Variants in NCOR1 observed in about 807,000 individuals in gnomAD.
NCOR1 encodes nuclear receptor corepressor 1.
Under a neutral mutation model 288.1 loss-of-function variants are expected in NCOR1, and 63 were observed. The observed-to-expected ratio is 0.22, with a 90% CI of 0.18 to 0.27. NCOR1 has a LOEUF of 0.27. Ranked by LOEUF, NCOR1 falls within the 10% of genes least tolerant of loss-of-function variation. The probability of loss-of-function intolerance (pLI) is 1.00; values close to 1 mark genes in which losing one functional copy is unlikely to be tolerated. For missense variants in NCOR1, 2,397 were observed against 3,019.2 expected (o/e 0.79, Z 4.83); for synonymous variants, 1,007 against 1,065.9 (o/e 0.94, Z 1.08).
chr17:16,155,164 A>G (rs1011545677), intron 6 of NCOR1, among the ~76,000 whole-genome samples: 4 of 152,092 alleles, frequency 2.6e-5, no homozygotes, highest in Admixed American at 6.5e-5. Flanking sequence ...CCAGCCTGCT[A>G]ACATGGTGAA....
intron 18 of NCOR1, among the ~76,000 whole-genome samples, chr17:16,114,259 A>G (rs2071078032): frequency 6.6e-6 from 1 of 151,480 alleles, no homozygotes; most frequent in Admixed American, 6.6e-5. Flanking sequence ...GACCTGCCCC[A>G]TGATTCAATT....
intron 6 of NCOR1, among the ~76,000 whole-genome samples, chr17:16,154,685 G>A (rs2079432942): frequency 2.6e-5 from 4 of 152,138 alleles, no homozygotes; most frequent in South Asian, 2.1e-4. Context: ...TAAAGGCTTC[G>A]GCTATTCTGT....
At chr17:16,035,188 A>G (rs1974008850) in intron 44 of NCOR1, among the ~76,000 whole-genome samples, 1 of 152,212 alleles carries the variant, frequency 6.6e-6, no homozygotes, top group Non-Finnish European at 1.5e-5. Context: ...ACTAATCTGC[A>G]TGGCGGTTGC....
At chr17:16,200,837 A>T (rs2090693688) in intron 1 of NCOR1, among the ~76,000 whole-genome samples, 1 of 152,220 alleles carries the variant, frequency 6.6e-6, no homozygotes, top group Non-Finnish European at 1.5e-5. Context: ...GACAAAGCTA[A>T]GAAGGACCAC....
chr17:16,089,336 T>C (rs1446446417), intron 22 of NCOR1, among the ~76,000 whole-genome samples: 1 of 152,168 alleles, frequency 6.6e-6, no homozygotes, highest in Non-Finnish European at 1.5e-5. Flanking sequence ...TCTACCTCCA[T>C]ATGCTTAAGT....
Position 16,070,194 on chromosome 17 carries a change from C to T in NCOR1, c.4484G>A (p.Gly1495Asp), listed in dbSNP as rs2152722306. 3 of 1,613,192 alleles carry T rather than the reference C, an allele frequency of 1.9e-6. No homozygotes were observed. The highest frequency in any genetic ancestry group is 2.5e-6 in the Non-Finnish European group (3 of 1,179,838). The change falls in exon 31 of 46, where the codon GGC (glycine) becomes GAC (aspartate). Residue 1495 changes from glycine (G) to aspartate (D), a missense_variant. By Grantham distance (94) the Gly-to-Asp change is moderately conservative. Around this residue, in one of 11 missense-constraint regions of NCOR1, gnomAD observed 1,872 missense variants for 2,187.8 expected, o/e 0.86. Coordinates refer to ENST00000268712, the MANE Select transcript of NCOR1 (RefSeq NM_006311.4). ...PVSYQNTMSR[G>D]SPMMNRTSDV... ...AGAAGTTCTGTTCATCATGGGTGAGCCTCTGGACATGGTGTTTTGATAACT... is the reference window on the plus strand; with the variant it reads ...AGAAGTTCTGTTCATCATGGGTGAGTCTCTGGACATGGTGTTTTGATAACT...
At chr17:16,052,274 T>C (rs1272847261) in intron 40 of NCOR1, among the ~76,000 whole-genome samples, 3 of 151,966 alleles carry the variant, frequency 2.0e-5, no homozygotes, top group Non-Finnish European at 2.9e-5. Flanking sequence ...TCTGCCTGCC[T>C]CGGCCTCCCA....
chr17:16,193,460 T>C (rs1299777784), intron 2 of NCOR1, among the ~76,000 whole-genome samples: 1 of 152,116 alleles, frequency 6.6e-6, no homozygotes, highest in Non-Finnish European at 1.5e-5. Context: ...CTCAAACTCC[T>C]GACCTCAAGT....
intron 32 of NCOR1, among the ~76,000 whole-genome samples, chr17:16,066,628 A>G (rs908033968): frequency 6.6e-6 from 1 of 152,186 alleles, no homozygotes; most frequent in Non-Finnish European, 1.5e-5. Context: ...GTTTTCTGGA[A>G]TATTTGCTTC....
intron 3 of NCOR1, among the ~76,000 whole-genome samples, chr17:16,185,683 C>CA (rs58712974): frequency 0.12 from 3,962 of 33,348 alleles, 945 homozygotes; most frequent in Non-Finnish European, 0.14. Context: ...GACTCTTTCT[C>CA]AAAAAAAAAA....
At chr17:16,084,487 GA>G in intron 23 of NCOR1, 1 of 152,394 alleles carries the variant, frequency 6.6e-6, no homozygotes. Flanking sequence ...TAATTTATAT[GA>G]AAATGCAAAA....
At chr17:16,208,615 C>G (rs948895076) in intron 1 of NCOR1, among the ~76,000 whole-genome samples, 15 of 151,634 alleles carry the variant, frequency 9.9e-5, no homozygotes, top group Non-Finnish European at 1.9e-4. Flanking sequence ...CTTCAGGAGG[C>G]CAAGGTGGGA....
At chr17:16,043,212 AAAAT>A (rs764516499) in intron 42 of NCOR1, among the ~76,000 whole-genome samples, 4 of 152,220 alleles carry the variant, frequency 2.6e-5, no homozygotes, top group Admixed American at 6.5e-5. Context: ...AGTTTTCAAA[AAAAT>A]AAAGTCACTG....
chr17:16,209,936 G>C (rs1277471293), intron 1 of NCOR1, among the ~76,000 whole-genome samples: 3 of 150,634 alleles, frequency 2.0e-5, no homozygotes, highest in Non-Finnish European at 4.4e-5. Context: ...GGGCAATAGA[G>C]TGAGACTCTG....
chr17:16,058,119 T>C (rs998206694), intron 38 of NCOR1, 55 bp from the exon 39 acceptor site: 12 of 1,555,998 alleles, frequency 7.7e-6, no homozygotes, highest in African/African-American at 2.7e-5. Context: ...TTTTCACTCA[T>C]TATCAAAGAT....
Position 16,098,831 on chromosome 17 carries a change from T to C in NCOR1, c.2691-335A>G. The C allele has an allele frequency of 1.8e-5, 3 of 166,422 alleles. 1 individual carries two copies. In the South Asian group the frequency reaches 5.2e-4, roughly 29 times the overall value. The allele number at this position is 166,422 out of a possible 1,614,324, so 10.3% of individuals were successfully genotyped here. On this transcript the variant is annotated intron_variant, in intron 20 of 45. Coordinates refer to ENST00000268712, the MANE Select transcript of NCOR1 (RefSeq NM_006311.4). ...GAAAGAAAAGAAAAAAGAAACCTAA[T>C]ACTGACTTACAGGTTGAAATTTATC...
rs368886666 is a variant in NCOR1, at chr17:16,032,256, G to T, written c.*40C>A. ...TAAAAATTAAACCACAAAAACTAGA[G>T]ATCCCTCTCCTGCACCCTGTTCCCC... On this transcript the variant is annotated 3_prime_UTR_variant, in exon 46 of 46. Coordinates refer to ENST00000268712, the MANE Select transcript of NCOR1 (RefSeq NM_006311.4). The T allele has an allele frequency of 6.6e-7, 1 of 1,524,260 alleles. No homozygotes were observed. Among genetic ancestry groups the T allele is most frequent in the Non-Finnish European group, 8.7e-7 (1 of 1,144,504 alleles). The allele number at this position is 1,524,260 out of a possible 1,614,324, so 94.4% of individuals were successfully genotyped here.
chr17:16,108,566 C>T (rs1382555985), intron 19 of NCOR1, among the ~76,000 whole-genome samples: 1 of 152,150 alleles, frequency 6.6e-6, no homozygotes, highest in East Asian at 1.9e-4. Context: ...ATGTCTGAAG[C>T]AGGACTGCCA....
intron 21 of NCOR1, among the ~76,000 whole-genome samples, chr17:16,095,546 CAGCCCCCCGCCCGGCCAGCCGCCCCGTA>C: frequency 7.9e-6 from 1 of 126,452 alleles, no homozygotes; most frequent in South Asian, 2.9e-4. Context: ...GTTGGGGGGT[CAGCCCCCCGCCCGGCCAGCCGCCCCGTA>C]CAGGAGGTGA....
Sources: gnomAD v4.1 joint callset for allele counts (sites outside exome capture counted in the v4.1 genomes callset) on GRCh38, gnomAD v4.1.1 for gene constraint, gnomAD v4.1.1 regional missense constraint, MANE v1.5 for transcripts, NCBI Gene and HGNC (gene_info 2026-07-23, HGNC 2026-07-21) for gene names.